The following FRYL variants were observed in gnomAD, a reference collection of about 807,000 sequenced individuals.
FRYL encodes the protein protein furry homolog-like.
A neutral mutation model predicts 351.2 loss-of-function variants in FRYL; 150 were observed. The observed-to-expected ratio is 0.43, with a 90% confidence interval of 0.37 to 0.49. The LOEUF (loss-of-function observed/expected upper bound fraction) is 0.49. Among genes scored for constraint, FRYL ranks in the 20% least tolerant of loss-of-function variants. The pLI, the probability that FRYL is intolerant of heterozygous loss-of-function variation, is 0.00. For missense variants in FRYL, 3,036 were observed against 3,619.3 expected (o/e 0.84, Z 4.13); for synonymous variants, 1,153 against 1,257.1 (o/e 0.92, Z 1.75).
chr4:48,606,775 A>C (rs569417704), intron 9 of FRYL, among the ~76,000 whole-genome samples, 169 bp from the exon 10 acceptor site: 1 of 152,344 alleles, frequency 6.6e-6, no homozygotes, highest in South Asian at 2.1e-4. Context: ...TGCTACTCTA[A>C]ATTTGCTGTT....
chr4:48,621,303 G>C (rs1750593787), intron 5 of FRYL, among the ~76,000 whole-genome samples: 1 of 152,188 alleles, frequency 6.6e-6, no homozygotes, highest in Non-Finnish European at 1.5e-5. Context: ...TAGCATGTTA[G>C]AAACATGTAA....
chr4:48,554,571 T>C (rs1035930789), intron 35 of FRYL, among the ~76,000 whole-genome samples: 3 of 152,192 alleles, frequency 2.0e-5, no homozygotes, highest in African/African-American at 7.2e-5. Context: ...ACTCCTGACC[T>C]CAGGTGATCC....
intron 1 of FRYL, among the ~76,000 whole-genome samples, chr4:48,741,073 A>C (rs1031568460): frequency 6.6e-6 from 1 of 152,068 alleles, no homozygotes; most frequent in Non-Finnish European, 1.5e-5. Flanking sequence ...AGACTATGGA[A>C]TATTATTTAA....
At chr4:48,708,274 C>T (rs1320957031) in intron 2 of FRYL, among the ~76,000 whole-genome samples, 1 of 138,218 alleles carries the variant, frequency 7.2e-6, no homozygotes, top group African/African-American at 2.7e-5. Flanking sequence ...AGCGAGACTC[C>T]GTCTCAAAAA....
At chr4:48,585,376 A>C (rs1741891388) in intron 19 of FRYL, among the ~76,000 whole-genome samples, 1 of 152,230 alleles carries the variant, frequency 6.6e-6, no homozygotes, top group Non-Finnish European at 1.5e-5. Flanking sequence ...AGGATAATGT[A>C]GTGCCAGGGT....
intron 55 of FRYL, among the ~76,000 whole-genome samples, chr4:48,519,479 G>A (rs1244289835): frequency 1.3e-5 from 2 of 149,344 alleles, no homozygotes; most frequent in Non-Finnish European, 3.0e-5. Context: ...TTTCCACACT[G>A]AAATGTAATT....
intron 33 of FRYL, 127 bp from the exon 34 acceptor site, chr4:48,557,839 ATT>A: frequency 9.4e-7 from 1 of 1,065,502 alleles, no homozygotes; most frequent in Non-Finnish European, 1.3e-6. Flanking sequence ...AATTATGAGT[ATT>A]GTTTTTCCTT....
intron 2 of FRYL, among the ~76,000 whole-genome samples, chr4:48,690,141 G>A (rs1369637268): frequency 3.3e-5 from 5 of 151,200 alleles, no homozygotes; most frequent in East Asian, 1.9e-4. Flanking sequence ...TCCTGACCTC[G>A]TGATCTGCCT....
At chr4:48,750,030 A>C (rs1773080312) in intron 1 of FRYL, among the ~76,000 whole-genome samples, 1 of 151,712 alleles carries the variant, frequency 6.6e-6, no homozygotes, top group Non-Finnish European at 1.5e-5. Flanking sequence ...GCTACTCAGG[A>C]GGCTGAGGCA....
At chr4:48,551,769 C>G (rs1247267430) in intron 36 of FRYL, among the ~76,000 whole-genome samples, 191 bp from the exon 37 acceptor site, 1 of 152,102 alleles carries the variant, frequency 6.6e-6, no homozygotes, top group Non-Finnish European at 1.5e-5. Flanking sequence ...TGCTAGAATA[C>G]AAATGGACAG....
intron 1 of FRYL, among the ~76,000 whole-genome samples, chr4:48,719,819 G>A (rs748702583): frequency 9.2e-5 from 14 of 151,636 alleles, no homozygotes; most frequent in Non-Finnish European, 1.9e-4. Context: ...AATGGGAAGA[G>A]TGGAGCAAGG....
chr4:48,529,009 C>A (rs1726919099), intron 50 of FRYL, among the ~76,000 whole-genome samples: 1 of 152,176 alleles, frequency 6.6e-6, no homozygotes, highest in Non-Finnish European at 1.5e-5. Context: ...ATCCTTCTCT[C>A]CCTAGCCTCA....
chr4:48,530,466 C>G (rs537217090), intron 50 of FRYL, among the ~76,000 whole-genome samples: 1 of 152,108 alleles, frequency 6.6e-6, no homozygotes, highest in East Asian at 1.9e-4. Flanking sequence ...CTAGAGTGAT[C>G]CTCCTAAAAT....
At chr4:48,735,826 T>A (rs1174053756) in intron 1 of FRYL, among the ~76,000 whole-genome samples, 5 of 78,566 alleles carry the variant, frequency 6.4e-5, no homozygotes, top group African/African-American at 1.0e-4. Context: ...TGTGGTGGGG[T>A]CGGGGGAGGG....
chr4:48,765,182 G>A (rs1281949065), intron 1 of FRYL, among the ~76,000 whole-genome samples: 1 of 152,068 alleles, frequency 6.6e-6, no homozygotes, highest in Non-Finnish European at 1.5e-5. Flanking sequence ...ACCACAAAGG[G>A]CCCCAAATGC....
chr4:48,526,828 T>C (rs935200826), intron 53 of FRYL, among the ~76,000 whole-genome samples: 3 of 152,122 alleles, frequency 2.0e-5, no homozygotes, highest in African/African-American at 7.2e-5. Context: ...ACTAAATCAA[T>C]TTAGAAGAGA....
At chr4:48,626,828 G>A (rs540848121) in intron 4 of FRYL, among the ~76,000 whole-genome samples, 2 of 152,006 alleles carry the variant, frequency 1.3e-5, no homozygotes, top group South Asian at 2.1e-4. Context: ...ATGAAAACAC[G>A]ATCACAAATG....
At chr4:48,506,615 A>AT (rs1721020765) in intron 59 of FRYL, 25 of 71,752 alleles carry the variant, frequency 3.5e-4, no homozygotes, top group East Asian at 1.4e-3. Flanking sequence ...CAATACAACT[A>AT]ATATATATAT....
chr4:48,772,415 T>G (rs752508566), intron 1 of FRYL, among the ~76,000 whole-genome samples: 8 of 152,068 alleles, frequency 5.3e-5, no homozygotes, highest in Non-Finnish European at 5.9e-5. Context: ...TTTCTAAACT[T>G]GGATCTACAT....
Sources: gnomAD v4.1 joint callset for allele counts (sites outside exome capture counted in the v4.1 genomes callset) on GRCh38, gnomAD v4.1.1 for gene constraint, MANE v1.5 for transcripts, NCBI Gene and HGNC (gene_info 2026-07-23, HGNC 2026-07-21) for gene names.